Variants in CRTAC1 observed in about 807,000 individuals in gnomAD.
CRTAC1 encodes the protein acidic secreted protein in cartilage.
CRTAC1 carries 37 observed loss-of-function variants against 67.8 expected under a neutral mutation model. The observed-to-expected ratio is 0.55, with a 90% confidence interval of 0.42 to 0.72. CRTAC1 has a LOEUF of 0.72. Ranked by LOEUF, CRTAC1 falls within the 30% of genes least tolerant of loss-of-function variation. The pLI, the probability that CRTAC1 is intolerant of heterozygous loss-of-function variation, is 0.00. For synonymous variants in CRTAC1, 348 were observed against 371.0 expected, an observed-to-expected ratio of 0.94 and a Z score of 0.71; for missense variants, 780 against 931.6, an observed-to-expected ratio of 0.84 and a Z score of 2.12.
At chr10:97,874,160 G>A (rs1402227493) in intron 14 of CRTAC1, among the ~76,000 whole-genome samples, 1 of 152,236 alleles carries the variant, frequency 6.6e-6, no homozygotes, top group African/African-American at 2.4e-5. Flanking sequence ...CGGGGGTGCA[G>A]ATGCCTTGGG....
At chr10:97,952,361 T>A (rs199665635) in intron 2 of CRTAC1, among the ~76,000 whole-genome samples, 4,634 of 144,964 alleles carry the variant, frequency 0.032, 89 homozygotes, top group East Asian at 0.062. Context: ...CAAAAAAAAA[T>A]AAATAAATAA....
intron 2 of CRTAC1, among the ~76,000 whole-genome samples, chr10:97,984,323 C>G (rs183353545): frequency 7.4e-4 from 112 of 152,330 alleles, no homozygotes; most frequent in Middle Eastern, 6.8e-3. Context: ...GTCCCTCCCC[C>G]ATCTGAGCAG....
At chr10:97,917,123 C>A (rs183153222) in intron 5 of CRTAC1, among the ~76,000 whole-genome samples, 23 of 152,338 alleles carry the variant, frequency 1.5e-4, no homozygotes, top group Non-Finnish European at 1.9e-4. Context: ...TGCTTTAAAT[C>A]TCGGCTTTTG....
chr10:97,966,032 T>G (rs1267228873), intron 2 of CRTAC1, among the ~76,000 whole-genome samples: 1 of 152,236 alleles, frequency 6.6e-6, no homozygotes, highest in Non-Finnish European at 1.5e-5. Flanking sequence ...ATTTCTGAGT[T>G]GACTCAGGCC....
intron 12 of CRTAC1, 53 bp downstream of exon 12, chr10:97,884,153 G>A: frequency 1.3e-6 from 2 of 1,537,246 alleles, no homozygotes; most frequent in Admixed American, 2.0e-5. Flanking sequence ...AGCCCATGGG[G>A]TTGTGGGTGG....
At chr10:97,938,940 T>C (rs1186168030) in intron 2 of CRTAC1, among the ~76,000 whole-genome samples, 5 of 152,200 alleles carry the variant, frequency 3.3e-5, no homozygotes, top group African/African-American at 1.2e-4. Flanking sequence ...TTCCACAGTA[T>C]GTTGTTTGAA....
intron 5 of CRTAC1, among the ~76,000 whole-genome samples, chr10:97,915,244 C>T (rs965695763): frequency 6.6e-6 from 1 of 152,174 alleles, no homozygotes; most frequent in African/African-American, 2.4e-5. Flanking sequence ...TGGAGGTCAT[C>T]GGAAAGGTCA....
intron 5 of CRTAC1, among the ~76,000 whole-genome samples, chr10:97,917,168 C>T (rs1288224961): frequency 6.6e-6 from 1 of 152,230 alleles, no homozygotes; most frequent in African/African-American, 2.4e-5. Context: ...AACCTGCTCA[C>T]CCATCATTGA....
intron 2 of CRTAC1, among the ~76,000 whole-genome samples, chr10:97,995,278 A>G (rs1427694512): frequency 6.6e-6 from 1 of 151,974 alleles, no homozygotes; most frequent in Non-Finnish European, 1.5e-5. Context: ...CTGCACATAC[A>G]TGCTTCTCTC....
chr10:97,968,410 T>A (rs545465752), intron 2 of CRTAC1, among the ~76,000 whole-genome samples: 6 of 151,976 alleles, frequency 3.9e-5, no homozygotes, highest in African/African-American at 1.4e-4. Flanking sequence ...GCCTGGCTAA[T>A]TTTTTTTGTA....
chr10:97,941,744 C>T (rs2051180818), intron 2 of CRTAC1, among the ~76,000 whole-genome samples: 1 of 152,202 alleles, frequency 6.6e-6, no homozygotes. Flanking sequence ...GGCAGACACC[C>T]TTCTCTGTTG....
At chr10:97,995,714 G>C (rs980963471) in intron 2 of CRTAC1, among the ~76,000 whole-genome samples, 2 of 152,162 alleles carry the variant, frequency 1.3e-5, no homozygotes, top group Admixed American at 6.5e-5. Flanking sequence ...GAGGGACTCT[G>C]AGTACCATAA....
intron 6 of CRTAC1, among the ~76,000 whole-genome samples, chr10:97,906,117 G>T (rs557166791): frequency 2.0e-5 from 3 of 152,308 alleles, no homozygotes; most frequent in African/African-American, 4.8e-5. Flanking sequence ...GCAGGGTGGG[G>T]CCCCCTGAGA....
In CRTAC1 at chr10:97,926,282, C is replaced by T. The variant is rs79056695; in HGVS notation, c.422-2882G>A. 1.3e-3 allele frequency among the ~76,000 whole-genome samples: 202 copies of T among 152,276 alleles called. 1 individual carries two copies. Among genetic ancestry groups the T allele is most frequent in the African/African-American group, 4.7e-3 (195 of 41,552 alleles). On this transcript the variant is annotated intron_variant, in intron 3 of 14. Transcript: ENST00000370597. ...GGGCCCCGACCCAGTCGGCCGGAGT[C>T]GCATCCCACATCTGAGGCTTGTTAG...
intron 14 of CRTAC1, chr10:97,871,672 C>T (rs143385164): frequency 6.8e-4 from 104 of 152,262 alleles, no homozygotes; most frequent in African/African-American, 2.4e-3. Flanking sequence ...GGTAGCTTGA[C>T]AAGGGCTAGT....
In CRTAC1 at chr10:98,030,502, G is replaced by C. The variant is rs1182018261; in HGVS notation, c.-30C>G. ...CCGCTCTCGGCCCCGCCGCCTAGGG[G>C]CGTGGGAAGCGGGCGCTCGCTGCCG... On this transcript the variant is annotated 5_prime_UTR_variant, in exon 1 of 15. Coordinates refer to ENST00000370597, the MANE Select transcript of CRTAC1 (RefSeq NM_018058.7). The surrounding 1 kb of genome is among the most constrained non-coding windows in gnomAD (Gnocchi z 4.2). The C allele has an allele frequency of 2.4e-6, 3 of 1,243,292 alleles. No homozygotes were observed. Among genetic ancestry groups the C allele is most frequent in the Non-Finnish European group, 2.0e-6 (2 of 986,328 alleles). 77.0% of individuals were successfully genotyped at this position (1,243,292 alleles called of 1,614,324 possible).
At chr10:97,894,107 C>T (rs2050416298) in intron 11 of CRTAC1, among the ~76,000 whole-genome samples, 1 of 152,176 alleles carries the variant, frequency 6.6e-6, no homozygotes, top group Non-Finnish European at 1.5e-5. Flanking sequence ...AGATAAGTGG[C>T]TTGCGATATG....
At chr10:97,929,673 C>T (rs975803797) in intron 3 of CRTAC1, among the ~76,000 whole-genome samples, 1 of 152,186 alleles carries the variant, frequency 6.6e-6, no homozygotes, top group Non-Finnish European at 1.5e-5. Context: ...GAATGGCCAC[C>T]TATTCGTCAG....
intron 2 of CRTAC1, among the ~76,000 whole-genome samples, chr10:97,978,238 C>T (rs892287563): frequency 4.6e-5 from 7 of 152,156 alleles, no homozygotes; most frequent in Non-Finnish European, 8.8e-5. Context: ...CTAGACCTAG[C>T]CAATGAGAAT....
Sources: gnomAD v4.1 joint callset for allele counts (sites outside exome capture counted in the v4.1 genomes callset) on GRCh38, gnomAD v4.1.1 for gene constraint, Gnocchi (gnomAD v3.1) non-coding constraint, MANE v1.5 for transcripts, NCBI Gene and HGNC (gene_info 2026-07-23, HGNC 2026-07-21) for gene names.